Variants in MAPKAPK3 observed in about 807,000 individuals in gnomAD.
The protein encoded by MAPKAPK3 is MAP kinase-activated protein kinase 3.
MAPKAPK3 carries 35 observed loss-of-function variants against 49.2 expected under a neutral mutation model. The ratio of observed to expected loss-of-function variants is 0.71; its 90% CI spans 0.54 to 0.94. The LOEUF is 0.94. MAPKAPK3 is among the 40% of genes least tolerant of loss of function. The pLI is 0.00. For synonymous variants in MAPKAPK3, 178 were observed against 188.7 expected (o/e 0.94, Z 0.46); for missense variants, 398 against 493.1 (o/e 0.81, Z 1.83).
intron 2 of MAPKAPK3, among the ~76,000 whole-genome samples, chr3:50,635,406 C>CTTTTTTTTTTTT (rs386396609): frequency 1.2e-4 from 6 of 48,580 alleles, no homozygotes; most frequent in African/African-American, 4.7e-4. Context: ...TCAATTTAAT[C>CTTTTTTTTTTTT]TTTTTTTTTT....
intron 6 of MAPKAPK3, among the ~76,000 whole-genome samples, chr3:50,644,867 CT>C (rs1409304015): frequency 2.6e-5 from 4 of 152,252 alleles, no homozygotes; most frequent in Non-Finnish European, 5.9e-5. Flanking sequence ...TAGTTTTTGT[CT>C]TCCTGGGATT....
intron 2 of MAPKAPK3, among the ~76,000 whole-genome samples, chr3:50,626,198 A>G (rs616589): frequency 0.78 from 117,797 of 151,912 alleles, 46,911 homozygotes; most frequent in Middle Eastern, 0.89. Context: ...TAGGCACAGT[A>G]CGACCCCCAA....
At chr3:50,647,469 A>G (rs1356986100) in intron 10 of MAPKAPK3, among the ~76,000 whole-genome samples, 1 of 152,144 alleles carries the variant, frequency 6.6e-6, no homozygotes, top group African/African-American at 2.4e-5. Flanking sequence ...ATAACCAACA[A>G]CATTTGGGAG....
At chr3:50,616,980 T>C (rs1183369126), upstream of MAPKAPK3, among the ~76,000 whole-genome samples, 1 of 151,766 alleles carries the variant, frequency 6.6e-6, no homozygotes, top group Non-Finnish European at 1.5e-5. Flanking sequence ...CCACGCCTCC[T>C]ATTTTGTTCC....
At chr3:50,611,560 C>T (rs1480882190), upstream of MAPKAPK3, 2 of 1,524,236 alleles carry the variant, frequency 1.3e-6, no homozygotes, top group Non-Finnish European at 1.8e-6. Flanking sequence ...TGCCCGGCAG[C>T]TAGCACGAAG....
At chr3:50,632,932 A>G (rs2032947898) in intron 2 of MAPKAPK3, among the ~76,000 whole-genome samples, 1 of 152,192 alleles carries the variant, frequency 6.6e-6, no homozygotes, top group Admixed American at 6.5e-5. Context: ...GGACCTGGAT[A>G]GGGGGCCCTT....
At position 50,622,194 on chromosome 3, in the gene MAPKAPK3, C is replaced by T. The variant is rs116923890; in HGVS notation, c.219+4410C>T. Among the ~76,000 whole-genome samples the T allele has an allele frequency of 4.9e-4, 74 of 152,300 alleles. 4 individuals are homozygous for T. The East Asian group carries it at 0.013, about 27-fold the overall frequency. On this transcript the variant is annotated intron_variant, in intron 2 of 10. Transcript: ENST00000621469. ...ACAGAAGAGGGCATATTTCTCCTGA[C>T]AGATGGGAAACTAAGCTCTGGAGAC...
At chr3:50,636,959 A>G (rs1329542695) in intron 2 of MAPKAPK3, among the ~76,000 whole-genome samples, 2 of 152,066 alleles carry the variant, frequency 1.3e-5, no homozygotes, top group Non-Finnish European at 2.9e-5. Context: ...CCCTGTCCCT[A>G]TGCCTATTTT....
intron 2 of MAPKAPK3, among the ~76,000 whole-genome samples, chr3:50,630,003 G>A (rs2032862957): frequency 6.6e-6 from 1 of 152,238 alleles, no homozygotes; most frequent in Admixed American, 6.5e-5. Flanking sequence ...AAGTGGTCAG[G>A]TGGAGGTTCC....
intron 2 of MAPKAPK3, among the ~76,000 whole-genome samples, chr3:50,627,273 A>G (rs2032781706): frequency 6.6e-6 from 1 of 151,572 alleles, no homozygotes; most frequent in South Asian, 2.1e-4. Flanking sequence ...TAGGTGGGCA[A>G]TGATCATCGG....
chr3:50,617,530 C>G lies in MAPKAPK3; in HGVS notation c.-36C>G. The G allele has an allele frequency of 9.4e-7, 1 of 1,058,858 alleles. No individual in the cohort carries two copies. The highest frequency in any genetic ancestry group is 1.4e-6 in the Non-Finnish European group (1 of 702,684). The allele number at this position is 1,058,858 out of a possible 1,614,324, so 65.6% of individuals were successfully genotyped here. On this transcript the variant is annotated 5_prime_UTR_variant, in exon 2 of 11. Transcript: ENST00000621469. ...TTCCCCCAGGTGCCACTAGAAGCGCCAGGCTGGGGCCGCCTCTGAGCGCCC... is the reference window on the plus strand; with the variant it reads ...TTCCCCCAGGTGCCACTAGAAGCGCGAGGCTGGGGCCGCCTCTGAGCGCCC...
chr3:50,616,130 A>C (rs1462277696), upstream of MAPKAPK3, among the ~76,000 whole-genome samples: 3 of 152,222 alleles, frequency 2.0e-5, no homozygotes, highest in Non-Finnish European at 2.9e-5. Flanking sequence ...AGGCCCATGC[A>C]GAGCCCCTGC....
upstream of MAPKAPK3, among the ~76,000 whole-genome samples, chr3:50,616,825 G>C (rs1453366888): frequency 6.6e-6 from 1 of 152,074 alleles, no homozygotes; most frequent in East Asian, 1.9e-4. Context: ...GACTCAAGGA[G>C]AGCTTTCAAG....
intron 4 of MAPKAPK3, 90 bp from the exon 5 acceptor site, chr3:50,642,163 G>C: frequency 1.2e-6 from 1 of 853,526 alleles, no homozygotes; most frequent in Non-Finnish European, 2.0e-6. Context: ...GTCTTGTGCT[G>C]GCCTGTTAGA....
chr3:50,646,001 G>A (rs1559490877), intron 7 of MAPKAPK3, 139 bp from the exon 8 acceptor site: 1 of 1,192,468 alleles, frequency 8.4e-7, no homozygotes, highest in Non-Finnish European at 1.2e-6. Context: ...TTCCTGGGAT[G>A]TGCCTGGGAG....
chr3:50,640,350 G>A lies in MAPKAPK3; in HGVS notation c.220-16G>A. On this transcript the variant is annotated splice_polypyrimidine_tract_variant and intron_variant, in intron 2 of 10. Transcript: ENST00000621469. ...GGGCTCTGAGCCTGACACTTTCTAT[G>A]TGCACCCACCTACAGCTCCTGTATG... 1 of 1,608,810 alleles carries A rather than the reference G, an allele frequency of 6.2e-7. No individual in the cohort carries two copies. Among genetic ancestry groups the A allele is most frequent in the Non-Finnish European group, 8.5e-7 (1 of 1,176,836 alleles).
At chr3:50,634,619 G>A (rs145401544) in intron 2 of MAPKAPK3, among the ~76,000 whole-genome samples, 4 of 152,130 alleles carry the variant, frequency 2.6e-5, no homozygotes, top group Non-Finnish European at 5.9e-5. Context: ...CTTCCAAGTA[G>A]CTGGGATTAC....
chr3:50,617,577 A>C lies in MAPKAPK3; in HGVS notation c.12A>C (p.Glu4Asp). Reference sequence around the variant, plus strand: ...GCCCCGCGGGGGCCATGGATGGTGAAACAGCAGAGGAGCAGGGGGGCCCTG... The same window carrying C: ...GCCCCGCGGGGGCCATGGATGGTGACACAGCAGAGGAGCAGGGGGGCCCTG... MDGETAEEQGGPVP... is the reference protein window; with the variant it reads MDGDTAEEQGGPVP... Residue 4 changes from glutamate to aspartate, a missense_variant, in exon 2 of 11, where the codon GAA becomes GAC. By Grantham distance (45) the Glu-to-Asp change is conservative. This residue lies in a region of MAPKAPK3 where 123 missense variants were observed against 117.7 expected (regional missense o/e 1.04). Transcript: ENST00000621469. 2 of 1,566,680 alleles carry C rather than the reference A, an allele frequency of 1.3e-6. No homozygotes were observed. The highest frequency in any genetic ancestry group is 1.8e-6 in the Non-Finnish European group (2 of 1,141,790).
At chr3:50,625,032 T>C (rs573890975) in intron 2 of MAPKAPK3, among the ~76,000 whole-genome samples, 2 of 152,322 alleles carry the variant, frequency 1.3e-5, no homozygotes, top group South Asian at 2.1e-4. Flanking sequence ...AGAGGAACAG[T>C]GCTCTCGGCT....
Sources: gnomAD v4.1 joint callset for allele counts (sites outside exome capture counted in the v4.1 genomes callset) on GRCh38, gnomAD v4.1.1 for gene constraint, gnomAD v4.1.1 regional missense constraint, MANE v1.5 for transcripts, NCBI Gene and HGNC (gene_info 2026-07-23, HGNC 2026-07-21) for gene names.